The following STON1 variants were observed in gnomAD, a reference collection of about 807,000 sequenced individuals.
STON1 encodes stonin 1, also known as stonin-1.
A neutral mutation model predicts 60.9 loss-of-function variants in STON1; 79 were observed. The ratio of observed to expected loss-of-function variants is 1.30; its 90% CI spans 1.08 to 1.56. The LOEUF is 1.56. Among genes scored for constraint, STON1 ranks in the 40% most tolerant of loss-of-function variants. The pLI is 0.00. For synonymous variants in STON1, 363 were observed against 306.9 expected, an observed-to-expected ratio of 1.18 and a Z score of -1.91; for missense variants, 1,166 against 858.9, an observed-to-expected ratio of 1.36 and a Z score of -4.47.
At chr2:48,535,883 T>A (rs988975821) in intron 1 of STON1, among the ~76,000 whole-genome samples, 16 of 151,920 alleles carry the variant, frequency 1.1e-4, no homozygotes, top group African/African-American at 3.6e-4. Context: ...GCTCAGGAGT[T>A]TGAGAACAGC....
At chr2:48,591,307 T>C (rs1674498043) in intron 2 of STON1, among the ~76,000 whole-genome samples, 1 of 150,542 alleles carries the variant, frequency 6.6e-6, no homozygotes, top group Non-Finnish European at 1.5e-5. Flanking sequence ...TATAGTAATA[T>C]TTCTAATTAA....
At chr2:48,568,162 T>C (rs960275089) in intron 1 of STON1, among the ~76,000 whole-genome samples, 23 of 152,150 alleles carry the variant, frequency 1.5e-4, no homozygotes, top group African/African-American at 4.8e-4. Context: ...AGGAGGCTAC[T>C]GAGAGGTGTC....
intron 1 of STON1, among the ~76,000 whole-genome samples, chr2:48,536,374 C>T (rs1460386353): frequency 6.6e-6 from 1 of 151,596 alleles, no homozygotes; most frequent in African/African-American, 2.4e-5. Flanking sequence ...ATGGTAAAAC[C>T]CCATCTTTAC....
At chr2:48,569,488 A>G (rs946356137) in intron 1 of STON1, among the ~76,000 whole-genome samples, 3 of 152,198 alleles carry the variant, frequency 2.0e-5, no homozygotes, top group African/African-American at 7.2e-5. Context: ...TTTGTGGAAA[A>G]GTGAAAAGAC....
At chr2:48,573,088 G>T (rs900037716) in intron 1 of STON1, among the ~76,000 whole-genome samples, 1 of 152,222 alleles carries the variant, frequency 6.6e-6, no homozygotes, top group Non-Finnish European at 1.5e-5. Flanking sequence ...TGATTGCATT[G>T]GTTGAAGCTT....
chr2:48,578,153 T>C (rs573470596), intron 1 of STON1, among the ~76,000 whole-genome samples: 3 of 152,034 alleles, frequency 2.0e-5, no homozygotes, highest in Non-Finnish European at 4.4e-5. Flanking sequence ...TTTTTTGTAT[T>C]TATAGTAGAG....
At chr2:48,541,841 G>A (rs1010347088) in intron 1 of STON1, among the ~76,000 whole-genome samples, 1 of 152,056 alleles carries the variant, frequency 6.6e-6, no homozygotes, top group Non-Finnish European at 1.5e-5. Context: ...AATACCGTGT[G>A]CCACTGCCAC....
chr2:48,532,237 T>C (rs954427636), intron 1 of STON1, among the ~76,000 whole-genome samples: 4 of 151,906 alleles, frequency 2.6e-5, no homozygotes, highest in African/African-American at 9.7e-5. Context: ...AATTCCCAGC[T>C]ACTTGGGAGG....
At chr2:48,558,456 C>T (rs1265983880) in intron 1 of STON1, among the ~76,000 whole-genome samples, 2 of 152,142 alleles carry the variant, frequency 1.3e-5, no homozygotes, top group Non-Finnish European at 2.9e-5. Context: ...CATGGACAAA[C>T]CAATATGCAT....
At chr2:48,593,520 C>T (rs1328569152) in intron 3 of STON1, among the ~76,000 whole-genome samples, 1 of 152,230 alleles carries the variant, frequency 6.6e-6, no homozygotes, top group Non-Finnish European at 1.5e-5. Flanking sequence ...CTGTCTTTCA[C>T]ATGAGCAACA....
chr2:48,585,018 T>C (rs1674126138), intron 2 of STON1, among the ~76,000 whole-genome samples: 1 of 152,150 alleles, frequency 6.6e-6, no homozygotes, highest in South Asian at 2.1e-4. Context: ...ATACCCTTCT[T>C]CATTAATGCC....
chr2:48,588,192 T>C (rs1259362201), intron 2 of STON1, among the ~76,000 whole-genome samples: 1 of 152,222 alleles, frequency 6.6e-6, no homozygotes, highest in Non-Finnish European at 1.5e-5. Context: ...GTGACGCCAA[T>C]GCATCTGGCC....
chr2:48,572,638 G>C (rs1013353801), intron 1 of STON1, among the ~76,000 whole-genome samples: 3 of 152,202 alleles, frequency 2.0e-5, no homozygotes, highest in Non-Finnish European at 4.4e-5. Context: ...GAAAACTGAT[G>C]AGGTGAAATT....
rs1402122077 is a variant in STON1 at position 48,598,206 on chromosome 2, A to C, written c.*2904A>C. On this transcript the variant is annotated 3_prime_UTR_variant, in exon 4 of 4. Coordinates refer to ENST00000404752, the MANE Select transcript of STON1 (RefSeq NM_006873.4). ...ATCACAAGAGTTTATCCACTAAAAA[A>C]AGATATGTAAAAAAGATACTTTCCA... 6.6e-6 allele frequency: 1 copy of C among 152,234 alleles called. No homozygotes were observed. Among genetic ancestry groups the C allele is most frequent in the South Asian group, 2.1e-4 (1 of 4,836 alleles). 9.4% of individuals were successfully genotyped at this position (152,234 alleles called of 1,614,324 possible). A position where few individuals can be genotyped will look rare whatever the true frequency, so the allele number is the denominator to read the frequency against.
At chr2:48,559,590 C>T (rs536253550) in intron 1 of STON1, among the ~76,000 whole-genome samples, 7 of 152,174 alleles carry the variant, frequency 4.6e-5, no homozygotes, top group African/African-American at 9.7e-5. Flanking sequence ...AGAGCATAAA[C>T]GTAACTAATG....
chr2:48,554,703 CA>C (rs1269289450), intron 1 of STON1, among the ~76,000 whole-genome samples: 2 of 128,206 alleles, frequency 1.6e-5, no homozygotes, highest in Admixed American at 7.5e-5. Flanking sequence ...ACTTTAAGTG[CA>C]AAATTTTTTT....
At chr2:48,556,176 C>T (rs1311407169) in intron 1 of STON1, among the ~76,000 whole-genome samples, 2 of 24,442 alleles carry the variant, frequency 8.2e-5, no homozygotes, top group African/African-American at 2.9e-4. Context: ...GCGCTGACCC[C>T]CCCACCTCCC....
In STON1 at chr2:48,550,375, T is replaced by TA. The variant is rs1672047682; in HGVS notation, c.-48+20161dup. ...AGCTGGGCATGGTGGTGCGTGCCTG[T>TA]AATCCCAGCTACTTGGGAGCCTGAG... On this transcript the variant is annotated intron_variant, in intron 1 of 3. Transcript: ENST00000404752. 2.0e-5 allele frequency among the ~76,000 whole-genome samples: 3 copies of TA among 149,780 alleles called. No homozygotes were observed. The South Asian group carries it at 6.3e-4, about 31-fold the overall frequency.
intron 1 of STON1, among the ~76,000 whole-genome samples, chr2:48,548,301 A>G (rs1009699216): frequency 6.6e-6 from 1 of 152,172 alleles, no homozygotes; most frequent in Non-Finnish European, 1.5e-5. Flanking sequence ...ACCTCAGGTG[A>G]TGGGAGACTT....
Sources: gnomAD v4.1 joint callset for allele counts (sites outside exome capture counted in the v4.1 genomes callset) on GRCh38, gnomAD v4.1.1 for gene constraint, MANE v1.5 for transcripts, NCBI Gene and HGNC (gene_info 2026-07-23, HGNC 2026-07-21) for gene names.